Variants in SLC2A9 observed in about 807,000 individuals in gnomAD.
The protein encoded by SLC2A9 is solute carrier family 2, facilitated glucose transporter member 9.
SLC2A9 carries 39 observed loss-of-function variants against 50.6 expected under a neutral mutation model. That is an observed-to-expected ratio of 0.77 (90% CI 0.60 to 1.01). SLC2A9 has a LOEUF of 1.01. Among genes scored for constraint, SLC2A9 ranks in the 50% least tolerant of loss-of-function variants. The pLI is 0.00. For synonymous variants in SLC2A9, 324 were observed against 276.9 expected (o/e 1.17, Z -1.69); for missense variants, 686 against 677.6 (o/e 1.01, Z -0.14).
chr4:10,018,735 A>AC (rs1057514354), intron 2 of SLC2A9, among the ~76,000 whole-genome samples: 2 of 151,338 alleles, frequency 1.3e-5, no homozygotes, highest in African/African-American at 4.9e-5. Context: ...TAGTCTCCCA[A>AC]CGTTCTCCCA....
rs780985240 is a variant in SLC2A9 at position 9,920,555 on chromosome 4, C to T, written c.832G>A (p.Gly278Ser). 9.9e-6 allele frequency: 16 copies of T among 1,614,106 alleles called. No homozygotes were observed. Among genetic ancestry groups the T allele is most frequent in the Admixed American group, 6.7e-5 (4 of 60,014 alleles). ...RAVKAFQTFLGKADVSQEVEE... is the reference protein window; with the variant it reads ...RAVKAFQTFLSKADVSQEVEE... ...ACCTCTTGGGAAACGTCTGCTTTAC[C>T]CAAGAACGTTTGGAAGGCTGCAAAC... Residue 278 changes from glycine (G) to serine (S), a missense_variant, in exon 7 of 12, where the codon GGT (glycine) becomes AGT (serine). By Grantham distance (56) the Gly-to-Ser change is moderately conservative. Transcript: ENST00000264784.
intron 6 of SLC2A9, among the ~76,000 whole-genome samples, chr4:9,931,974 A>ATG (rs1560329764): frequency 1.8e-5 from 1 of 56,778 alleles, no homozygotes; most frequent in Non-Finnish European, 3.1e-5. Context: ...ATATATATAT[A>ATG]TATATATATA....
In SLC2A9 at chr4:9,973,901, T is replaced by C. The variant is rs538131569; in HGVS notation, c.681+6691A>G. Reference sequence around the variant, plus strand: ...GAAAACTAGAAACCAATATCCCTGATGAACATAGATGAAAAAATCCTTTAC... The same window carrying C: ...GAAAACTAGAAACCAATATCCCTGACGAACATAGATGAAAAAATCCTTTAC... On this transcript the variant is annotated intron_variant, in intron 5 of 11. Coordinates refer to ENST00000264784, the MANE Select transcript of SLC2A9 (RefSeq NM_020041.3). Among the ~76,000 whole-genome samples the C allele has an allele frequency of 1.9e-4, 28 of 151,028 alleles. No homozygotes were observed. In the South Asian group the frequency reaches 5.0e-3, roughly 27 times the overall value.
At chr4:9,991,629 T>G (rs929032900) in intron 3 of SLC2A9, among the ~76,000 whole-genome samples, 1 of 152,058 alleles carries the variant, frequency 6.6e-6, no homozygotes, top group Non-Finnish European at 1.5e-5. Context: ...GTGACTGCAT[T>G]TGGGGACAGG....
chr4:9,810,105 G>A (rs925160340), intron 3 of SLC2A9, among the ~76,000 whole-genome samples: 1 of 151,222 alleles, frequency 6.6e-6, no homozygotes, highest in Non-Finnish European at 1.5e-5. Flanking sequence ...CCTATTTGGT[G>A]GTCTATTTAT....
chr4:9,789,904 A>G (rs1032917119), intron 3 of SLC2A9, among the ~76,000 whole-genome samples: 1 of 152,350 alleles, frequency 6.6e-6, no homozygotes, highest in South Asian at 2.1e-4. Flanking sequence ...AACTGAGAGT[A>G]CCAGCACTCC....
At chr4:9,898,895 G>C (rs557486038) in intron 8 of SLC2A9, among the ~76,000 whole-genome samples, 4 of 152,126 alleles carry the variant, frequency 2.6e-5, no homozygotes, top group African/African-American at 9.7e-5. Context: ...TACTAGAGCC[G>C]TACTCCGTTG....
At chr4:10,012,845 CTGTCATG>C (rs1761991002) in intron 2 of SLC2A9, among the ~76,000 whole-genome samples, 1 of 152,088 alleles carries the variant, frequency 6.6e-6, no homozygotes, top group African/African-American at 2.4e-5. Context: ...GTGGTCACAT[CTGTCATG>C]TGTCATGTGT....
intron 10 of SLC2A9, among the ~76,000 whole-genome samples, chr4:9,849,588 G>A (rs1265470922): frequency 6.6e-6 from 1 of 152,162 alleles, no homozygotes; most frequent in African/African-American, 2.4e-5. Context: ...TACCATCCTG[G>A]ACTGTCTGGG....
chr4:9,950,710 G>A (rs1750061958), intron 5 of SLC2A9, among the ~76,000 whole-genome samples: 2 of 34,962 alleles, frequency 5.7e-5, no homozygotes, highest in Non-Finnish European at 4.7e-5. Flanking sequence ...TGGCTAACAC[G>A]GTGAAACCCT....
In SLC2A9 at chr4:9,849,961, T is replaced by C. The variant is rs957227401; in HGVS notation, c.1292-14953A>G. Among the ~76,000 whole-genome samples, 13 of 151,296 alleles carry C rather than the reference T, an allele frequency of 8.6e-5. 1 individual carries two copies. Among genetic ancestry groups the C allele is most frequent in the Middle Eastern group, 3.4e-3 (1 of 294 alleles). ...AAATAGAAAAGCAAGAGTGACTAGA[T>C]AAAAGATGGTCGAGCTAGGAGGAAC... On this transcript the variant is annotated intron_variant, in intron 10 of 11. Coordinates refer to ENST00000264784, the MANE Select transcript of SLC2A9 (RefSeq NM_020041.3).
intron 6 of SLC2A9, among the ~76,000 whole-genome samples, chr4:9,939,470 T>C (rs1271780155): frequency 6.6e-6 from 1 of 152,230 alleles, no homozygotes; most frequent in African/African-American, 2.4e-5. Context: ...GTGCCGAGCA[T>C]GGTGCTAAGT....
At chr4:9,780,086 A>T (rs1010511590) in intron 3 of SLC2A9, 1 of 152,334 alleles carries the variant, frequency 6.6e-6, no homozygotes, top group African/African-American at 2.4e-5. Context: ...AGACAAGGGC[A>T]ATATGAGGAA....
chr4:9,777,746 A>T (rs1423973550), downstream of SLC2A9, among the ~76,000 whole-genome samples: 3 of 152,192 alleles, frequency 2.0e-5, no homozygotes, highest in Admixed American at 6.5e-5. Flanking sequence ...GAGATTCTAG[A>T]GGGCCAGGCG....
At chr4:9,957,652 G>A (rs1388840816) in intron 5 of SLC2A9, among the ~76,000 whole-genome samples, 2 of 152,244 alleles carry the variant, frequency 1.3e-5, no homozygotes, top group African/African-American at 2.4e-5. Flanking sequence ...TAAAATGAAC[G>A]GGGACAGGGG....
chr4:9,945,185 T>C (rs1420575878), intron 5 of SLC2A9, among the ~76,000 whole-genome samples: 2 of 152,252 alleles, frequency 1.3e-5, no homozygotes, highest in African/African-American at 4.8e-5. Context: ...GGCACAGCTC[T>C]CTTGCAGGCT....
At chr4:9,852,352 A>C (rs1294071376) in intron 10 of SLC2A9, among the ~76,000 whole-genome samples, 1 of 150,992 alleles carries the variant, frequency 6.6e-6, no homozygotes, top group African/African-American at 2.4e-5. Context: ...TCCCGGGTTC[A>C]CGCCATTCTC....
intron 10 of SLC2A9, among the ~76,000 whole-genome samples, chr4:9,867,960 C>G (rs1227736415): frequency 6.6e-6 from 1 of 152,168 alleles, no homozygotes; most frequent in African/African-American, 2.4e-5. Flanking sequence ...CCCAGACACA[C>G]TCAATTACAG....
At chr4:9,959,340 T>C (rs1177291256) in intron 5 of SLC2A9, among the ~76,000 whole-genome samples, 1 of 150,150 alleles carries the variant, frequency 6.7e-6, no homozygotes, top group Admixed American at 6.7e-5. Context: ...TGCAGTGAGC[T>C]GAGATTGTGC....
Sources: gnomAD v4.1 joint callset for allele counts (sites outside exome capture counted in the v4.1 genomes callset) on GRCh38, gnomAD v4.1.1 for gene constraint, MANE v1.5 for transcripts, NCBI Gene and HGNC (gene_info 2026-07-23, HGNC 2026-07-21) for gene names.